Variants in STK24 observed in about 807,000 individuals in gnomAD.
STK24 encodes serine/threonine kinase 24.
STK24 carries 21 observed loss-of-function variants against 55.6 expected under a neutral mutation model. The ratio of observed to expected loss-of-function variants is 0.38; its 90% confidence interval spans 0.27 to 0.54. STK24 has a LOEUF of 0.54. STK24 is among the 20% of genes least tolerant of loss of function. STK24 has a pLI of 0.79. For synonymous variants in STK24, 200 were observed against 215.2 expected, an observed-to-expected ratio of 0.93 and a Z score of 0.62; for missense variants, 383 against 538.4, an observed-to-expected ratio of 0.71 and a Z score of 2.86.
At chr13:98,526,363 A>C (rs1896429472) in intron 1 of STK24, among the ~76,000 whole-genome samples, 1 of 152,170 alleles carries the variant, frequency 6.6e-6, no homozygotes, top group Admixed American at 6.5e-5. Flanking sequence ...TACTTGTTCC[A>C]GGCTCTGGGT....
intron 1 of STK24, among the ~76,000 whole-genome samples, chr13:98,564,713 C>T (rs1449030559): frequency 6.6e-6 from 1 of 152,176 alleles, no homozygotes; most frequent in African/African-American, 2.4e-5. Flanking sequence ...AAGACTACTG[C>T]ACCCTAGATC....
At chr13:98,576,108 T>C (rs1375778384) in intron 1 of STK24, 13 of 984,724 alleles carry the variant, frequency 1.3e-5, no homozygotes, top group Non-Finnish European at 1.6e-5. Flanking sequence ...GTCCGAGGGA[T>C]TCCTCCTTCC....
chr13:98,477,866 G>C (rs757619531), intron 3 of STK24, among the ~76,000 whole-genome samples: 6 of 152,136 alleles, frequency 3.9e-5, no homozygotes, highest in Non-Finnish European at 7.3e-5. Flanking sequence ...CTAAGAGGAA[G>C]AGGTGAGGAA....
chr13:98,486,016 T>G (rs4772088), intron 2 of STK24, among the ~76,000 whole-genome samples: 39,281 of 151,486 alleles, frequency 0.26, 6,085 homozygotes, highest in East Asian at 0.42. Flanking sequence ...CAGGAACACA[T>G]GGACTCGGGG....
intron 1 of STK24, among the ~76,000 whole-genome samples, chr13:98,558,724 G>T (rs754977873): frequency 6.6e-6 from 1 of 152,084 alleles, no homozygotes; most frequent in Admixed American, 6.6e-5. Context: ...ATATGCAGGC[G>T]ACTAACCAAC....
intron 10 of STK24, chr13:98,454,312 G>C (rs1893348280): frequency 6.6e-6 from 1 of 152,106 alleles, no homozygotes; most frequent in Non-Finnish European, 1.5e-5. Context: ...GGTGAGAACG[G>C]GGTCCCCTCA....
intron 3 of STK24, among the ~76,000 whole-genome samples, chr13:98,477,636 T>C (rs1219490768): frequency 4.0e-5 from 6 of 151,062 alleles, no homozygotes; most frequent in African/African-American, 1.2e-4. Flanking sequence ...GATCGCACCA[T>C]TGCACTCCAG....
At chr13:98,552,938 T>G (rs1477781426) in intron 1 of STK24, among the ~76,000 whole-genome samples, 2 of 147,912 alleles carry the variant, frequency 1.4e-5, no homozygotes, top group Non-Finnish European at 3.0e-5. Context: ...CCACCAAGAG[T>G]GAGCTCCACC....
intron 1 of STK24, among the ~76,000 whole-genome samples, chr13:98,551,495 T>C (rs74357097): frequency 0.043 from 6,452 of 151,744 alleles, 473 homozygotes; most frequent in African/African-American, 0.15. Flanking sequence ...AAACTAAATC[T>C]TTCTATCACG....
At chr13:98,503,631 G>C (rs1296391209) in intron 2 of STK24, among the ~76,000 whole-genome samples, 2 of 152,208 alleles carry the variant, frequency 1.3e-5, no homozygotes, top group Non-Finnish European at 2.9e-5. Context: ...TAAGAACCAG[G>C]AATGACCTTT....
chr13:98,461,920 T>C, intron 7 of STK24, 23 bp from the exon 8 acceptor site: 1 of 1,612,640 alleles, frequency 6.2e-7, no homozygotes, highest in Non-Finnish European at 8.5e-7. Context: ...ATGCAGGAAA[T>C]CCCATCAGTG....
chr13:98,560,182 C>T (rs1302634933), intron 1 of STK24, among the ~76,000 whole-genome samples: 3 of 152,222 alleles, frequency 2.0e-5, no homozygotes, highest in African/African-American at 7.2e-5. Flanking sequence ...CAGGCAGACA[C>T]CTCCCCTCGA....
intron 2 of STK24, among the ~76,000 whole-genome samples, chr13:98,503,024 G>GTTGTTTTTTTTT (rs1555306358): frequency 9.3e-6 from 1 of 107,084 alleles, no homozygotes; most frequent in Non-Finnish European, 1.8e-5. Flanking sequence ...CTTTCCATGT[G>GTTGTTTTTTTTT]TTTTTTTTTT....
At chr13:98,472,099 G>A (rs1894175091) in intron 5 of STK24, among the ~76,000 whole-genome samples, 1 of 152,220 alleles carries the variant, frequency 6.6e-6, no homozygotes, top group Non-Finnish European at 1.5e-5. Context: ...CAGCCAGGAA[G>A]AGCGCCCTTA....
chr13:98,565,476 AC>A (rs2139458262), intron 1 of STK24, among the ~76,000 whole-genome samples: 1 of 152,166 alleles, frequency 6.6e-6, no homozygotes, highest in Non-Finnish European at 1.5e-5. Context: ...TACTAAAAAT[AC>A]AAAAATTAGC....
chr13:98,576,093 C>T, intron 1 of STK24: 1 of 984,914 alleles, frequency 1.0e-6, no homozygotes, highest in Non-Finnish European at 1.2e-6. Context: ...CCCTGGTGCG[C>T]GGCTGTCCGA....
In STK24 at chr13:98,493,980, A is replaced by G. The variant is rs578147430; in HGVS notation, c.274-11659T>C. Among the ~76,000 whole-genome samples the G allele has an allele frequency of 1.3e-3, 189 of 151,076 alleles. 3 individuals carry two copies. In the South Asian group the frequency reaches 0.015, roughly 12 times the overall value. ...GCCTCAGCCTCCTGAGTAGCTGGGA[A>G]TACAGGTGCCCGCCACCATGCCCGG... On this transcript the variant is annotated intron_variant, in intron 2 of 10. Transcript: ENST00000539966.
At chr13:98,548,120 C>T (rs529245822) in intron 1 of STK24, among the ~76,000 whole-genome samples, 13 of 152,302 alleles carry the variant, frequency 8.5e-5, no homozygotes, top group African/African-American at 2.9e-4. Context: ...CCACCTCTTA[C>T]AAGTTATTTG....
rs1167740976 is a variant in STK24 at position 98,533,645 on chromosome 13, C to A, written c.43-14172G>T. Among the ~76,000 whole-genome samples the A allele has an allele frequency of 2.0e-5, 3 of 151,936 alleles. No homozygotes were observed. The East Asian group carries it at 5.8e-4, about 29-fold the overall frequency. ...AGCCTGGGTGACAAAATGAGAACCC[C>A]CATCTCTAAAAATAAAAAAGAAAAA... On this transcript the variant is annotated intron_variant, in intron 1 of 10. Transcript: ENST00000539966.
Sources: allele counts gnomAD v4.1 joint callset (sites outside exome capture counted in the v4.1 genomes callset), GRCh38; gene constraint gnomAD v4.1.1; transcripts MANE v1.5; gene names NCBI Gene and HGNC (gene_info 2026-07-23, HGNC 2026-07-21).